Variants in CNPY3 observed in about 807,000 individuals in gnomAD.
The protein encoded by CNPY3 is canopy FGF signaling regulator 3.
CNPY3 carries 20 observed loss-of-function variants against 32.0 expected under a neutral mutation model. That is an observed-to-expected ratio of 0.63 (90% CI 0.44 to 0.91). The LOEUF (loss-of-function observed/expected upper bound fraction) is 0.91. Among genes scored for constraint, CNPY3 ranks in the 40% least tolerant of loss-of-function variants. The pLI, the probability that CNPY3 is intolerant of heterozygous loss-of-function variation, is 0.00. For synonymous variants in CNPY3, 138 were observed against 142.9 expected, an observed-to-expected ratio of 0.97 and a Z score of 0.24; for missense variants, 299 against 340.8, an observed-to-expected ratio of 0.88 and a Z score of 0.97.
At chr6:42,937,930 G>T in intron 4 of CNPY3, 91 bp downstream of exon 4, 2 of 1,561,814 alleles carry the variant, frequency 1.3e-6, no homozygotes, top group Admixed American at 1.7e-5. Context: ...ACCCAGGCCG[G>T]GGTGGCTTTG....
In CNPY3 at chr6:42,939,053, C is replaced by G. The variant is rs1374247507; in HGVS notation, c.*262C>G. 1 of 1,257,264 alleles carries G rather than the reference C, an allele frequency of 8.0e-7. No individual in the cohort carries two copies. Among genetic ancestry groups the G allele is most frequent in the Admixed American group, 3.7e-5 (1 of 26,680 alleles). The allele number at this position is 1,257,264 out of a possible 1,614,324, so 77.9% of individuals were successfully genotyped here. ...TTGTGGTTTCAGGACTGCAAGGACT[C>G]CAGTGTGAACTCAGGAGGGGCAGGT... On this transcript the variant is annotated 3_prime_UTR_variant, in exon 6 of 6. Coordinates refer to ENST00000372836, the MANE Select transcript of CNPY3 (RefSeq NM_006586.5).
intron 1 of CNPY3, among the ~76,000 whole-genome samples, chr6:42,933,329 G>A (rs769913633): frequency 2.0e-5 from 3 of 152,184 alleles, no homozygotes; most frequent in African/African-American, 7.2e-5. Context: ...ATTAGACTGA[G>A]TATCTGGAAG....
In CNPY3 at chr6:42,935,645, G is replaced by A; in HGVS notation, c.347G>A (p.Arg116Lys). Residue 116 changes from arginine (R) to lysine (K), a missense_variant, in exon 3 of 6, where the codon AGG (arginine) becomes AAG (lysine). Physicochemically the swap from Arg to Lys is conservative, Grantham distance 26. Coordinates refer to ENST00000372836, the MANE Select transcript of CNPY3 (RefSeq NM_006586.5). Reference sequence around the variant, plus strand: ...CTGGATTATAGCCTGCACAAGGAGAGGACCGGCAGCAATCGATTTGCCAAG... The same window carrying A: ...CTGGATTATAGCCTGCACAAGGAGAAGACCGGCAGCAATCGATTTGCCAAG... ...RLLDYSLHKE[R>K]TGSNRFAKGM... The A allele has an allele frequency of 6.2e-7, 1 of 1,611,236 alleles. No individual in the cohort carries two copies. Among genetic ancestry groups the A allele is most frequent in the Non-Finnish European group, 8.5e-7 (1 of 1,177,712 alleles).
intron 3 of CNPY3, 110 bp downstream of exon 3, chr6:42,935,780 A>G (rs1768178879): frequency 8.2e-7 from 1 of 1,225,864 alleles, no homozygotes; most frequent in Non-Finnish European, 1.1e-6. Context: ...ATCTTCCTTC[A>G]TTGCCTCTTC....
In CNPY3 at chr6:42,938,621, G is replaced by A. The variant is rs760537930; in HGVS notation, c.667G>A (p.Gly223Arg). The A allele has an allele frequency of 2.5e-5, 40 of 1,609,384 alleles. No individual in the cohort carries two copies. Among genetic ancestry groups the A allele is most frequent in the East Asian group, 2.2e-4 (10 of 44,798 alleles). Residue 223 changes from glycine (G) to arginine (R), a missense_variant, in exon 6 of 6, where the codon GGG (glycine) becomes AGG (arginine). Around this residue, in one of 2 missense-constraint regions of CNPY3, gnomAD observed 211 missense variants for 278.3 expected, o/e 0.76. Transcript: ENST00000372836. Reference protein sequence around the residue: ...GKKGDTAALGGKKSKKKSSRA... With the variant: ...GKKGDTAALGRKKSKKKSSRA... The stretch of plus-strand genomic sequence containing the variant: ...GAAGGGAGACACAGCTGCCCTGGGA[G>A]GGAAGAAGTCCAAGAAGAAGAGCAG...
Position 42,939,219 on chromosome 6 carries a change from C to G in CNPY3, c.*428C>G, listed in dbSNP as rs1561802497. 3 of 996,778 alleles carry G rather than the reference C, an allele frequency of 3.0e-6. No individual in the cohort carries two copies. The highest frequency in any genetic ancestry group is 6.0e-5 in the Admixed American group (1 of 16,722). 61.7% of individuals were successfully genotyped at this position (996,778 alleles called of 1,614,324 possible). ...CTCCTGTGGACACCTTGCACTCTGC[C>G]TGGCCCTTCCCAGAGCCCAAAGAGT... On this transcript the variant is annotated 3_prime_UTR_variant, in exon 6 of 6. Coordinates refer to ENST00000372836, the MANE Select transcript of CNPY3 (RefSeq NM_006586.5).
chr6:42,931,546 A>C (rs1454590920), intron 1 of CNPY3, among the ~76,000 whole-genome samples: 1 of 151,664 alleles, frequency 6.6e-6, no homozygotes, highest in Non-Finnish European at 1.5e-5. Context: ...TTTTTAGTAG[A>C]GACGGGTTTT....
upstream of CNPY3, chr6:42,929,393 C>T (rs927777565): frequency 7.4e-6 from 5 of 678,562 alleles, no homozygotes; most frequent in South Asian, 1.0e-4. Flanking sequence ...GTCCGCGGGC[C>T]TTGGTCCGCT....
intron 5 of CNPY3, 69 bp from the exon 6 acceptor site, chr6:42,938,499 C>T: frequency 2.1e-6 from 3 of 1,419,352 alleles, no homozygotes; most frequent in South Asian, 1.3e-5. Flanking sequence ...GCTCCCTGCT[C>T]AGTGCTCCTT....
upstream of CNPY3, chr6:42,929,382 C>T (rs1767574248): frequency 9.6e-6 from 6 of 627,062 alleles, 1 homozygote; most frequent in South Asian, 6.2e-5. Flanking sequence ...TTGGCTGCGC[C>T]GTCCGCGGGC....
Position 42,938,598 on chromosome 6 carries a change from A to C in CNPY3, c.644A>C (p.Lys215Thr), listed in dbSNP as rs1438327116. ...SCLAEQWSGK[K>T]GDTAALGGKK... ...CTGGCAGAGCAGTGGTCCGGCAAGAAGGGAGACACAGCTGCCCTGGGAGGG... is the reference window on the plus strand; with the variant it reads ...CTGGCAGAGCAGTGGTCCGGCAAGACGGGAGACACAGCTGCCCTGGGAGGG... Residue 215 changes from lysine to threonine, a missense_variant, in exon 6 of 6, where the codon AAG (lysine) becomes ACG (threonine). Physicochemically the swap from Lys to Thr is moderately conservative, Grantham distance 78 (BLOSUM62 -1). Coordinates refer to ENST00000372836, the MANE Select transcript of CNPY3 (RefSeq NM_006586.5). 5 of 1,601,812 alleles carry C rather than the reference A, an allele frequency of 3.1e-6. No homozygotes were observed. The highest frequency in any genetic ancestry group is 3.4e-6 in the Non-Finnish European group (4 of 1,174,014).
In CNPY3 at chr6:42,937,697, T is replaced by C. The variant is rs1768331411; in HGVS notation, c.373-20T>C. 6.2e-7 allele frequency: 1 copy of C among 1,613,382 alleles called. No individual in the cohort carries two copies. The highest frequency in any genetic ancestry group is 8.5e-7 in the Non-Finnish European group (1 of 1,179,728). ...GGAGAGAAGGGAGCTCCGCCTGCCA[T>C]ATCTGGTCGCTTCTTCCAGGGCATG... On this transcript the variant is annotated intron_variant, in intron 3 of 5. Transcript: ENST00000372836.
Position 42,934,618 on chromosome 6 carries a change from C to T in CNPY3, c.275+20C>T. On this transcript the variant is annotated intron_variant, in intron 2 of 5. Coordinates refer to ENST00000372836, the MANE Select transcript of CNPY3 (RefSeq NM_006586.5). ...CAAGTCGTAAGTGAATGGGGACTCA[C>T]TGGCCTGGCCTGCGTTGCTGCTGGA... is the stretch of plus-strand genomic sequence containing the variant. The T allele has an allele frequency of 6.2e-7, 1 of 1,613,056 alleles. No homozygotes were observed. The highest frequency in any genetic ancestry group is 8.5e-7 in the Non-Finnish European group (1 of 1,179,746).
chr6:42,937,126 T>G (rs1221272093), intron 3 of CNPY3, among the ~76,000 whole-genome samples: 1 of 151,982 alleles, frequency 6.6e-6, no homozygotes, highest in Admixed American at 6.6e-5. Flanking sequence ...TATGGGAGTG[T>G]TTCCAGCCAT....
At chr6:42,933,762 TATTATA>T (rs1174740707) in intron 1 of CNPY3, among the ~76,000 whole-genome samples, 1 of 152,214 alleles carries the variant, frequency 6.6e-6, no homozygotes, top group Non-Finnish European at 1.5e-5. Context: ...ATTGTTGAGA[TATTATA>T]ATTATATATT....
chr6:42,939,023 AGGCCTTGT>A lies in CNPY3; in HGVS notation c.*235_*242del. 1 of 1,325,000 alleles carries A rather than the reference AGGCCTTGT, an allele frequency of 7.5e-7. No homozygotes were observed. Among genetic ancestry groups the A allele is most frequent in the Non-Finnish European group, 9.6e-7 (1 of 1,037,610 alleles). 82.1% of individuals were successfully genotyped at this position (1,325,000 alleles called of 1,614,324 possible). ...TTCTCTCCTGACCCAGGGTTCAGGCAGGCCTTGTGGTTTCAGGACTGCAAGGACTCCAG... is the reference window on the plus strand; with the variant it reads ...TTCTCTCCTGACCCAGGGTTCAGGCAGGTTTCAGGACTGCAAGGACTCCAG... On this transcript the variant is annotated 3_prime_UTR_variant, in exon 6 of 6. Transcript: ENST00000372836.
At position 42,938,080 on chromosome 6, in the gene CNPY3, T is replaced by C. The variant is rs199952571; in HGVS notation, c.496-10T>C. The C allele has an allele frequency of 2.9e-5, 46 of 1,609,200 alleles. No individual in the cohort carries two copies. The African/African-American group carries it at 4.1e-4, about 14-fold the overall frequency. ...GGGGCTTTGCCAATATGAGGTATTA[T>C]GATTAACAGTGTGATGTGCTGGTGG... is the stretch of plus-strand genomic sequence containing the variant. On this transcript the variant is annotated splice_polypyrimidine_tract_variant and intron_variant, in intron 4 of 5. Coordinates refer to ENST00000372836, the MANE Select transcript of CNPY3 (RefSeq NM_006586.5).
At chr6:42,937,616 T>G in intron 3 of CNPY3, 101 bp from the exon 4 acceptor site, 192 of 1,250,488 alleles carry the variant, frequency 1.5e-4, no homozygotes, top group Middle Eastern at 2.2e-4. Context: ...TAGAGGGCGT[T>G]GAGCATTGGT....
chr6:42,930,120 A>AAG (rs1411411601), intron 1 of CNPY3, among the ~76,000 whole-genome samples: 1 of 152,060 alleles, frequency 6.6e-6, no homozygotes, highest in Non-Finnish European at 1.5e-5. Flanking sequence ...GAGAAGTGGA[A>AAG]AGAGAGGGGC....
Sources: gnomAD v4.1 joint callset for allele counts (sites outside exome capture counted in the v4.1 genomes callset) on GRCh38, gnomAD v4.1.1 for gene constraint, gnomAD v4.1.1 regional missense constraint, MANE v1.5 for transcripts, NCBI Gene and HGNC (gene_info 2026-07-23, HGNC 2026-07-21) for gene names.